Variants in GPR162 observed in about 807,000 individuals in gnomAD.
The protein encoded by GPR162 is probable G protein-coupled receptor 162.
Under a neutral mutation model 44.9 loss-of-function variants are expected in GPR162, and 26 were observed. The ratio of observed to expected loss-of-function variants is 0.58; its 90% CI spans 0.42 to 0.80. The LOEUF is 0.80. Among genes scored for constraint, GPR162 ranks in the 30% least tolerant of loss-of-function variants. The pLI is 0.00. For synonymous variants in GPR162, 363 were observed against 335.2 expected, an observed-to-expected ratio of 1.08 and a Z score of -0.91; for missense variants, 704 against 802.3, an observed-to-expected ratio of 0.88 and a Z score of 1.48.
intron 2 of GPR162, chr12:6,825,265 C>T: frequency 1.7e-6 from 1 of 592,668 alleles, no homozygotes; most frequent in East Asian, 2.8e-5. Flanking sequence ...TCCTCTCCCT[C>T]CTGACCGCAG....
intron 3 of GPR162, 149 bp downstream of exon 3, chr12:6,825,822 C>T (rs1555119956): frequency 2.9e-6 from 2 of 678,690 alleles, no homozygotes; most frequent in South Asian, 1.8e-5. Flanking sequence ...CCTAAGCAGG[C>T]ACCCTGCTGT....
chr12:6,826,111 G>A (rs781986903), intron 3 of GPR162, 85 bp from the exon 4 acceptor site: 2 of 1,017,102 alleles, frequency 2.0e-6, no homozygotes, highest in Non-Finnish European at 3.0e-6. Flanking sequence ...AACTAAAGGG[G>A]TCTCTGGGAG....
rs370685085 is a variant in GPR162, at chr12:6,826,815, C to T, written c.1378C>T (p.His460Tyr). The T allele has an allele frequency of 4.3e-6, 7 of 1,609,942 alleles. No individual in the cohort carries two copies. Among genetic ancestry groups the T allele is most frequent in the South Asian group, 2.2e-5 (2 of 90,496 alleles). Residue 460 changes from histidine (H) to tyrosine (Y), a missense_variant, in exon 5 of 5, where the codon CAC (histidine) becomes TAC (tyrosine). His to Tyr is a moderately conservative substitution (Grantham distance 83). This residue lies in a region of GPR162 where 404 missense variants were observed against 314.1 expected (regional missense o/e 1.29). Coordinates refer to ENST00000311268, the MANE Select transcript of GPR162 (RefSeq NM_019858.2). ...TCCTCCTGAGTACCTGGGACAAAGACACAGGTTGGAGGACGAGGAGGACGA... is the reference window on the plus strand; with the variant it reads ...TCCTCCTGAGTACCTGGGACAAAGATACAGGTTGGAGGACGAGGAGGACGA... ...GGPPEYLGQR[H>Y]RLEDEEDEEE...
Position 6,823,763 on chromosome 12 carries a change from G to A in GPR162, c.-136G>A, listed in dbSNP as rs1384539154. 3.7e-6 allele frequency: 6 copies of A among 1,613,152 alleles called. No individual in the cohort carries two copies. The highest frequency in any genetic ancestry group is 2.2e-5 in the East Asian group (1 of 44,892). On this transcript the variant is annotated 5_prime_UTR_variant, in exon 2 of 5. Transcript: ENST00000311268. ...TCCATCATGCAATGCTGAGCACTGG[G>A]GTGAGCCTGGGGGCAGCCTGCCTGC...
intron 4 of GPR162, 119 bp from the exon 5 acceptor site, chr12:6,826,534 A>G (rs1943358706): frequency 1.8e-6 from 2 of 1,121,152 alleles, no homozygotes; most frequent in Non-Finnish European, 2.5e-6. Context: ...AGGTTTGCCC[A>G]CCGGAGCAAA....
chr12:6,827,286 C>G lies in GPR162; in HGVS notation c.*82C>G. 1 of 1,196,788 alleles carries G rather than the reference C, an allele frequency of 8.4e-7. No homozygotes were observed. Among genetic ancestry groups the G allele is most frequent in the South Asian group, 1.6e-5 (1 of 64,446 alleles). The allele number at this position is 1,196,788 out of a possible 1,614,324, so 74.1% of individuals were successfully genotyped here. On this transcript the variant is annotated 3_prime_UTR_variant, in exon 5 of 5. Coordinates refer to ENST00000311268, the MANE Select transcript of GPR162 (RefSeq NM_019858.2). ...CTGGCCGAGAGTAGGGCAGCTGCCTCCAGACTCTGGGGAGACGGGCGCTAG... is the reference window on the plus strand; with the variant it reads ...CTGGCCGAGAGTAGGGCAGCTGCCTGCAGACTCTGGGGAGACGGGCGCTAG...
At position 6,825,579 on chromosome 12, in the gene GPR162, C is replaced by T; in HGVS notation, c.963C>T (p.Pro321=). The change falls in exon 3 of 5, where the codon CCC becomes CCT. Residue 321 remains proline (P), a synonymous_variant. Transcript: ENST00000311268. The part of the protein sequence containing the change: ...WCSMAQTLLL[P]SFIWSCERYR... ...CCATGGCACAGACGCTGCTGCTGCC[C>T]TCCTTCATCTGGTCCTGCGAGCGCT... is the stretch of plus-strand genomic sequence containing the variant. 6.2e-7 allele frequency: 1 copy of T among 1,606,668 alleles called. No individual in the cohort carries two copies. The highest frequency in any genetic ancestry group is 1.1e-5 in the South Asian group (1 of 89,452).
At position 6,827,228 on chromosome 12, in the gene GPR162, AGAGG is replaced by A; in HGVS notation, c.*25_*28del. 1 of 1,555,338 alleles carries A rather than the reference AGAGG, an allele frequency of 6.4e-7. No individual in the cohort carries two copies. The highest frequency in any genetic ancestry group is 8.7e-7 in the Non-Finnish European group (1 of 1,148,396). ...GAGCCCAAGCAGGCCTGCTGAACTC[AGAGG>A]AGAAAGCCTGAGTGAGTAACACCTC... On this transcript the variant is annotated 3_prime_UTR_variant, in exon 5 of 5. Coordinates refer to ENST00000311268, the MANE Select transcript of GPR162 (RefSeq NM_019858.2).
At chr12:6,825,205 C>T (rs1555119823) in intron 2 of GPR162, 2 of 557,528 alleles carry the variant, frequency 3.6e-6, no homozygotes, top group African/African-American at 3.8e-5. Context: ...CCCATCTAGT[C>T]ACTGTTCCTG....
chr12:6,827,246 G>C lies in GPR162; in HGVS notation c.*42G>C, dbSNP rs782031528. On this transcript the variant is annotated 3_prime_UTR_variant, in exon 5 of 5. Coordinates refer to ENST00000311268, the MANE Select transcript of GPR162 (RefSeq NM_019858.2). Reference sequence around the variant, plus strand: ...TGAACTCAGAGGAGAAAGCCTGAGTGAGTAACACCTCATTCTGGCCGAGAG... The same window carrying C: ...TGAACTCAGAGGAGAAAGCCTGAGTCAGTAACACCTCATTCTGGCCGAGAG... The C allele has an allele frequency of 3.2e-5, 47 of 1,463,356 alleles. 1 individual carries two copies. In the South Asian group the frequency reaches 4.7e-4, roughly 15 times the overall value. 90.6% of individuals were successfully genotyped at this position (1,463,356 alleles called of 1,614,324 possible).
chr12:6,825,351 G>A (rs1030643097), intron 2 of GPR162, 133 bp from the exon 3 acceptor site: 90 of 624,296 alleles, frequency 1.4e-4, no homozygotes, highest in Non-Finnish European at 2.3e-4. Flanking sequence ...CTCCACCTCC[G>A]GCTTCGCCTC....
chr12:6,826,579 G>A (rs1032942328), intron 4 of GPR162, 74 bp from the exon 5 acceptor site: 36 of 1,349,270 alleles, frequency 2.7e-5, no homozygotes, highest in African/African-American at 4.4e-5. Flanking sequence ...ACCATCTTCC[G>A]GAGTCCCCAC....
intron 2 of GPR162, chr12:6,825,174 C>T (rs1943338126): frequency 3.7e-6 from 2 of 538,214 alleles, no homozygotes; most frequent in South Asian, 4.0e-5. Context: ...GCTGGAAATC[C>T]CACAGGGCTC....
At chr12:6,826,587 C>T in intron 4 of GPR162, 66 bp from the exon 5 acceptor site, 1 of 1,400,308 alleles carries the variant, frequency 7.1e-7, no homozygotes, top group Non-Finnish European at 9.7e-7. Flanking sequence ...CCGGAGTCCC[C>T]ACTTGGTTCC....
chr12:6,823,764 G>T lies in GPR162; in HGVS notation c.-135G>T. ...CCATCATGCAATGCTGAGCACTGGG[G>T]TGAGCCTGGGGGCAGCCTGCCTGCT... On this transcript the variant is annotated 5_prime_UTR_variant, in exon 2 of 5. Transcript: ENST00000311268. The T allele has an allele frequency of 6.2e-7, 1 of 1,613,268 alleles. No individual in the cohort carries two copies. Among genetic ancestry groups the T allele is most frequent in the South Asian group, 1.1e-5 (1 of 90,988 alleles).
Position 6,824,538 on chromosome 12 carries a change from C to T in GPR162, c.640C>T (p.Arg214Trp), listed in dbSNP as rs116301443. Residue 214 changes from arginine to tryptophan, a missense_variant, in exon 2 of 5, where the codon CGG (arginine) becomes TGG (tryptophan). Physicochemically the swap from Arg to Trp is moderately radical, Grantham distance 101. This residue lies in a region of GPR162 where 56 missense variants were observed against 47.2 expected (regional missense o/e 1.19). Transcript: ENST00000311268. ...QTLWARPRRA[R>W]QARRVGGGGG... ...ACTGTGGGCCCGGCCCCGGAGGGCT[C>T]GGCAGGCCCGGAGAGTGGGGGGTGG... The T allele has an allele frequency of 8.2e-6, 12 of 1,460,000 alleles. No homozygotes were observed. Among genetic ancestry groups the T allele is most frequent in the African/African-American group, 3.0e-5 (2 of 67,016 alleles). 90.4% of individuals were successfully genotyped at this position (1,460,000 alleles called of 1,614,324 possible). A position where few individuals can be genotyped will look rare whatever the true frequency, so the allele number is the denominator to read the frequency against.
intron 1 of GPR162, 102 bp from the exon 2 acceptor site, chr12:6,823,366 C>T (rs1943307974): frequency 4.4e-6 from 1 of 225,670 alleles, no homozygotes; most frequent in Non-Finnish European, 8.6e-6. Flanking sequence ...AGTAATCAGT[C>T]ATGCCTATAG....
Position 6,827,029 on chromosome 12 carries a change from T to TG in GPR162, c.1595dup (p.Leu533ProfsTer12). ...CACTCTCCTCGTCGGCCCCGGCCACTGGGCCTCTCACCCCGCCGACTCTCC... is the reference window on the plus strand; with the variant it reads ...CACTCTCCTCGTCGGCCCCGGCCACTGGGGCCTCTCACCCCGCCGACTCTCC... On this transcript the variant is annotated frameshift_variant, in exon 5 of 5. Coordinates refer to ENST00000311268, the MANE Select transcript of GPR162 (RefSeq NM_019858.2). LOFTEE classifies it high-confidence loss of function. 1.9e-6 allele frequency: 3 copies of TG among 1,613,348 alleles called. No individual in the cohort carries two copies. The African/African-American group carries it at 4.0e-5, about 21-fold the overall frequency.
At position 6,824,309 on chromosome 12, in the gene GPR162, C is replaced by T. The variant is rs146153056; in HGVS notation, c.411C>T (p.Ala137=). The T allele has an allele frequency of 1.4e-5, 23 of 1,613,918 alleles. No individual in the cohort carries two copies. The highest frequency in any genetic ancestry group is 1.6e-4 in the Middle Eastern group (1 of 6,084). The stretch of plus-strand genomic sequence containing the variant: ...ACGCCAAGAAGCAGGCACTGCATGC[C>T]GTCATGGGCATCTGGATGGTCAGCT... ...LSNAKKQALH[A]VMGIWMVSFI... Residue 137 remains alanine (A), a synonymous_variant, in exon 2 of 5, where the codon GCC becomes GCT. Coordinates refer to ENST00000311268, the MANE Select transcript of GPR162 (RefSeq NM_019858.2).
Sources: allele counts gnomAD v4.1 joint callset, GRCh38; gene constraint gnomAD v4.1.1; regional missense constraint gnomAD v4.1.1; transcripts MANE v1.5; gene names NCBI Gene and HGNC (gene_info 2026-07-23, HGNC 2026-07-21).